Variants in N4BP2L2 observed in about 807,000 individuals in gnomAD.
N4BP2L2 encodes NEDD4-binding protein 2-like 2.
A neutral mutation model predicts 56.2 loss-of-function variants in N4BP2L2; 50 were observed. That is an observed-to-expected ratio of 0.89 (90% CI 0.71 to 1.13). N4BP2L2 has a LOEUF of 1.13. Ranked by LOEUF, N4BP2L2 falls within the 50% of genes most tolerant of loss-of-function variation. N4BP2L2 has a pLI of 0.00. For missense variants in N4BP2L2, 689 were observed against 693.8 expected (o/e 0.99, Z 0.08); for synonymous variants, 203 against 223.6 (o/e 0.91, Z 0.82).
At chr13:32,538,560 T>C in intron 1 of N4BP2L2, 58 bp downstream of exon 1, 1 of 925,536 alleles carries the variant, frequency 1.1e-6, no homozygotes, top group East Asian at 1.2e-4. Flanking sequence ...AGTCAAGAAG[T>C]GAAAGCGAAA....
At chr13:32,492,781 T>A (rs1593838584) in intron 6 of N4BP2L2, among the ~76,000 whole-genome samples, 1 of 152,214 alleles carries the variant, frequency 6.6e-6, no homozygotes, top group African/African-American at 2.4e-5. Flanking sequence ...AAATAAAAAA[T>A]TTCCAAAAGT....
chr13:32,443,811 T>G, exon 7 of N4BP2L2: 1 of 1,587,362 alleles, frequency 6.3e-7, no homozygotes, highest in Non-Finnish European at 8.6e-7. Context: ...CTAATTCAAC[T>G]ATAGACATAA....
chr13:32,486,718 G>T (rs2085953585), intron 6 of N4BP2L2, among the ~76,000 whole-genome samples: 1 of 151,366 alleles, frequency 6.6e-6, no homozygotes, highest in Non-Finnish European at 1.5e-5. Context: ...AAAATAAACT[G>T]GCTAAGTGTG....
At chr13:32,505,258 T>A (rs1241159795) in intron 6 of N4BP2L2, 1 of 152,278 alleles carries the variant, frequency 6.6e-6, no homozygotes, top group Non-Finnish European at 1.5e-5. Flanking sequence ...TTCATTTTTA[T>A]CCCTCTGTTC....
chr13:32,514,897 G>C (rs189447160), exon 6 of N4BP2L2: 1 of 152,292 alleles, frequency 6.6e-6, no homozygotes, highest in African/African-American at 2.4e-5. Flanking sequence ...CAGCACTTTG[G>C]GAGGCCAAGG....
chr13:32,484,419 A>G (rs2085429068), intron 6 of N4BP2L2, among the ~76,000 whole-genome samples: 1 of 152,226 alleles, frequency 6.6e-6, no homozygotes, highest in South Asian at 2.1e-4. Context: ...ACTTGAAAAA[A>G]TATAGCTAAA....
At chr13:32,479,471 T>C (rs1410787931) in intron 6 of N4BP2L2, among the ~76,000 whole-genome samples, 6 of 151,600 alleles carry the variant, frequency 4.0e-5, no homozygotes, top group South Asian at 4.2e-4. Flanking sequence ...TTAGTAGAGA[T>C]GGGGTTTCAC....
intron 5 of N4BP2L2, among the ~76,000 whole-genome samples, chr13:32,518,210 T>C (rs1257471358): frequency 1.3e-5 from 2 of 152,208 alleles, no homozygotes; most frequent in East Asian, 3.8e-4. Flanking sequence ...AGATTCCATA[T>C]ATCACAGAAA....
chr13:32,491,919 C>T (rs375329162), intron 6 of N4BP2L2, among the ~76,000 whole-genome samples: 1 of 152,066 alleles, frequency 6.6e-6, no homozygotes, highest in African/African-American at 2.4e-5. Context: ...CATGAGCCAC[C>T]GCACCCGGCC....
chr13:32,495,270 G>C (rs1467814396), intron 6 of N4BP2L2, among the ~76,000 whole-genome samples: 2 of 152,100 alleles, frequency 1.3e-5, no homozygotes, highest in African/African-American at 4.8e-5. Flanking sequence ...ATAGTGTCCT[G>C]AGCCACTGCC....
intron 5 of N4BP2L2, 145 bp downstream of exon 5, chr13:32,521,228 G>C: frequency 1.5e-6 from 1 of 652,512 alleles, no homozygotes; most frequent in Non-Finnish European, 2.7e-6. Flanking sequence ...AAGTGGCCTA[G>C]CCAAAAACCA....
intron 6 of N4BP2L2, among the ~76,000 whole-genome samples, chr13:32,475,708 GT>G (rs1002374933): frequency 6.6e-6 from 1 of 152,114 alleles, no homozygotes; most frequent in African/African-American, 2.4e-5. Context: ...GCAGCTCTTC[GT>G]TAGAAAGGAA....
intron 6 of N4BP2L2, among the ~76,000 whole-genome samples, chr13:32,492,272 A>ATTTTTTTTTTTTTTT (rs1185615708): frequency 3.9e-5 from 3 of 77,042 alleles, no homozygotes; most frequent in African/African-American, 1.7e-4. Context: ...AAAACACCAA[A>ATTTTTTTTTTTTTTT]ATTTTTTTTT....
chr13:32,528,253 A>G (rs116657715), intron 2 of N4BP2L2, among the ~76,000 whole-genome samples: 1,849 of 152,284 alleles, frequency 0.012, 43 homozygotes, highest in African/African-American at 0.042. Flanking sequence ...TTTAGAAAAA[A>G]CCATATGTGA....
At chr13:32,513,662 A>C (rs940439571) in exon 6 of N4BP2L2, 1 of 152,174 alleles carries the variant, frequency 6.6e-6, no homozygotes, top group Non-Finnish European at 1.5e-5. Flanking sequence ...TGCTGCCACC[A>C]AATTATTTAT....
intron 6 of N4BP2L2, among the ~76,000 whole-genome samples, chr13:32,500,784 T>TGTC (rs1302136549): frequency 6.6e-6 from 1 of 151,704 alleles, no homozygotes; most frequent in East Asian, 1.9e-4. Flanking sequence ...ATATTATAAA[T>TGTC]GTCGTCTTGT....
intron 7 of N4BP2L2, chr13:32,438,829 C>T (rs1236556995): frequency 1.5e-5 from 12 of 805,786 alleles, no homozygotes; most frequent in Non-Finnish European, 1.8e-5. Context: ...CTCTAATTCA[C>T]CATACCATTA....
At position 32,454,795 on chromosome 13, in the gene N4BP2L2, C is replaced by T. The variant is rs1207909972; in HGVS notation, c.366-10669G>A. Among the ~76,000 whole-genome samples the T allele has an allele frequency of 2.0e-5, 3 of 152,192 alleles. No individual in the cohort carries two copies. The South Asian group carries it at 6.2e-4, about 32-fold the overall frequency. Reference sequence around the variant, plus strand: ...TCAAAATAACAAGTAGATAATCACACTCTGAATAGAGCATTTAAGAGAGAA... The same window carrying T: ...TCAAAATAACAAGTAGATAATCACATTCTGAATAGAGCATTTAAGAGAGAA... On this transcript the variant is annotated intron_variant, in intron 6 of 9. Transcript: ENST00000357505.
chr13:32,472,525 C>T (rs2082510879), intron 6 of N4BP2L2, among the ~76,000 whole-genome samples: 1 of 152,220 alleles, frequency 6.6e-6, no homozygotes, highest in Non-Finnish European at 1.5e-5. Flanking sequence ...ACGTTCATCA[C>T]CTGCTGGCAC....
Sources: allele counts gnomAD v4.1 joint callset (sites outside exome capture counted in the v4.1 genomes callset), GRCh38; gene constraint gnomAD v4.1.1; transcripts MANE v1.5; gene names NCBI Gene and HGNC (gene_info 2026-07-23, HGNC 2026-07-21).